The following ST18 variants were observed in gnomAD, a reference collection of about 807,000 sequenced individuals.
ST18 encodes the protein ST18 C2H2C-type zinc finger transcription factor.
In ST18, 50 loss-of-function variants were observed where a neutral mutation model predicts 110.0. The ratio of observed to expected loss-of-function variants is 0.45; its 90% confidence interval spans 0.36 to 0.58. ST18 has a LOEUF of 0.58. ST18 is among the 20% of genes least tolerant of loss of function. ST18 has a pLI of 0.00. For missense variants in ST18, 1,306 were observed against 1,280.1 expected (o/e 1.02, Z -0.31); for synonymous variants, 461 against 452.4 (o/e 1.02, Z -0.24).
chr8:52,118,438 AT>A lies in ST18; in HGVS notation c.2758del (p.Ile920Ter). 1 of 1,595,772 alleles carries A rather than the reference AT, an allele frequency of 6.3e-7. No homozygotes were observed. Among genetic ancestry groups the A allele is most frequent in the Non-Finnish European group, 8.6e-7 (1 of 1,166,398 alleles). ...ATGCCTAATTTCTTCATCACTCTCTATTCCTGTAAAGAGTAAGACTACCTTA... is the reference window on the plus strand; with the variant it reads ...ATGCCTAATTTCTTCATCACTCTCTATCCTGTAAAGAGTAAGACTACCTTA... ...MTIKLKATGG[I>X]ESDEEIRHLD... is the part of the protein sequence containing the mutation. On this transcript the variant is annotated frameshift_variant and splice_region_variant, in exon 24 of 26. Transcript: ENST00000689386. LOFTEE classifies it high-confidence loss of function.
intron 2 of ST18, among the ~76,000 whole-genome samples, chr8:52,324,581 A>C (rs1015718695): frequency 1.3e-5 from 2 of 152,208 alleles, no homozygotes; most frequent in Admixed American, 1.3e-4. Context: ...CACTGACTGC[A>C]GGAGCTATGA....
intron 5 of ST18, chr8:52,220,448 T>C (rs2086205145): frequency 1.3e-5 from 2 of 152,202 alleles, no homozygotes. Context: ...TTGAAAACCA[T>C]TTTAACAATC....
At chr8:52,178,925 G>T (rs1243188629) in intron 9 of ST18, among the ~76,000 whole-genome samples, 1 of 151,908 alleles carries the variant, frequency 6.6e-6, no homozygotes, top group Non-Finnish European at 1.5e-5. Context: ...ACTGAGATTT[G>T]TGCTCACTCA....
rs1586982521 is a variant in ST18 at position 52,149,626 on chromosome 8, T to C, written c.2052+106A>G. 6 of 1,419,624 alleles carry C rather than the reference T, an allele frequency of 4.2e-6. No homozygotes were observed. The East Asian group carries it at 9.4e-5, about 22-fold the overall frequency. 87.9% of individuals were successfully genotyped at this position (1,419,624 alleles called of 1,614,324 possible). On this transcript the variant is annotated intron_variant, in intron 16 of 25. Transcript: ENST00000689386. ...AAATCTAAAGCAAGGTACAGAATTA[T>C]GTATTATCTAAACAGGAATGTGAAA...
At chr8:52,327,949 G>A (rs1478821654) in intron 2 of ST18, among the ~76,000 whole-genome samples, 1 of 152,140 alleles carries the variant, frequency 6.6e-6, no homozygotes, top group African/African-American at 2.4e-5. Flanking sequence ...TTTTATTCTT[G>A]CAATTGTCTT....
chr8:52,127,786 T>C (rs2047636376), intron 22 of ST18, among the ~76,000 whole-genome samples: 1 of 151,316 alleles, frequency 6.6e-6, no homozygotes, highest in Non-Finnish European at 1.5e-5. Flanking sequence ...TTTAATATCT[T>C]CCAGGATGTA....
rs188045786 is a variant in ST18 at position 52,400,904 on chromosome 8, C to T, written c.-465+8424G>A. On this transcript the variant is annotated intron_variant, in intron 2 of 25. Transcript: ENST00000689386. The stretch of plus-strand genomic sequence containing the variant: ...ATTCTGAATTTGACAATAAATGTAC[C>T]TCTACTGGCGAGTTTTATATTGTCA... Among the ~76,000 whole-genome samples, 385 of 152,208 alleles carry T rather than the reference C, an allele frequency of 2.5e-3. 4 individuals are homozygous for T. The highest frequency in any genetic ancestry group is 4.6e-3 in the Non-Finnish European group (312 of 67,964).
intron 15 of ST18, among the ~76,000 whole-genome samples, chr8:52,152,681 A>G (rs1416404911): frequency 6.6e-6 from 1 of 152,220 alleles, no homozygotes; most frequent in Non-Finnish European, 1.5e-5. Flanking sequence ...CCTTCAACAA[A>G]TTTCTTTTTT....
chr8:52,400,932 T>C (rs1278286311), intron 2 of ST18, among the ~76,000 whole-genome samples: 1 of 152,162 alleles, frequency 6.6e-6, no homozygotes, highest in Non-Finnish European at 1.5e-5. Flanking sequence ...TATTGTCATA[T>C]GTTTTCATGA....
chr8:52,153,413 T>C (rs1347593989), intron 15 of ST18, among the ~76,000 whole-genome samples: 3 of 152,202 alleles, frequency 2.0e-5, no homozygotes, highest in Non-Finnish European at 4.4e-5. Context: ...TTATTCTTGC[T>C]TCAAGGTTTT....
chr8:52,392,124 A>G (rs1047856815), intron 2 of ST18, among the ~76,000 whole-genome samples: 1 of 152,220 alleles, frequency 6.6e-6, no homozygotes, highest in African/African-American at 2.4e-5. Context: ...ATGTGCCAGG[A>G]TCTGTGTATG....
chr8:52,378,397 A>AT (rs968638280), intron 2 of ST18, among the ~76,000 whole-genome samples: 9 of 152,062 alleles, frequency 5.9e-5, no homozygotes, highest in Non-Finnish European at 8.8e-5. Context: ...TAATAATTAA[A>AT]TTTTTTTTAA....
At chr8:52,198,445 G>A (rs1246625873) in intron 8 of ST18, among the ~76,000 whole-genome samples, 2 of 152,106 alleles carry the variant, frequency 1.3e-5, no homozygotes, top group Admixed American at 6.5e-5. Context: ...ATATACACAG[G>A]TTTTGCTAAA....
chr8:52,286,758 G>T (rs16917630), intron 2 of ST18, among the ~76,000 whole-genome samples: 1,624 of 150,692 alleles, frequency 0.011, 28 homozygotes, highest in African/African-American at 0.038. Context: ...CAAAGCAATG[G>T]TATCTGGCTA....
chr8:52,130,494 G>A (rs1304215876), intron 22 of ST18, among the ~76,000 whole-genome samples: 1 of 152,156 alleles, frequency 6.6e-6, no homozygotes, highest in Non-Finnish European at 1.5e-5. Flanking sequence ...TGGGCACCAA[G>A]GTTGTTTCCA....
chr8:52,141,756 G>T (rs1406227620), intron 17 of ST18, among the ~76,000 whole-genome samples: 6 of 152,148 alleles, frequency 3.9e-5, no homozygotes, highest in Non-Finnish European at 7.3e-5. Flanking sequence ...CTAATTCCTA[G>T]AGAGCTTAGG....
At chr8:52,324,128 G>A (rs1420148701) in intron 2 of ST18, among the ~76,000 whole-genome samples, 1 of 152,204 alleles carries the variant, frequency 6.6e-6, no homozygotes, top group African/African-American at 2.4e-5. Context: ...AGTAAGGATG[G>A]TGGTGGTTGG....
At chr8:52,180,385 A>C in intron 8 of ST18, 73 bp from the exon 9 acceptor site, 1 of 1,543,744 alleles carries the variant, frequency 6.5e-7, no homozygotes, top group Non-Finnish European at 8.8e-7. Flanking sequence ...ACTTTCATGA[A>C]GTCTAACCTA....
At chr8:52,382,333 G>A (rs1031743420) in intron 2 of ST18, among the ~76,000 whole-genome samples, 1 of 152,160 alleles carries the variant, frequency 6.6e-6, no homozygotes. Context: ...ACTGAAAGGT[G>A]GCCCTGGTTT....
Sources: allele counts gnomAD v4.1 joint callset (sites outside exome capture counted in the v4.1 genomes callset), GRCh38; gene constraint gnomAD v4.1.1; transcripts MANE v1.5; gene names NCBI Gene and HGNC (gene_info 2026-07-23, HGNC 2026-07-21).